Variants in TNNI3K observed in about 807,000 individuals in gnomAD.
TNNI3K encodes the protein serine/threonine-protein kinase TNNI3K.
In TNNI3K, 140 loss-of-function variants were observed where a neutral mutation model predicts 114.5. The ratio of observed to expected loss-of-function variants is 1.22; its 90% CI spans 1.07 to 1.41. The LOEUF (loss-of-function observed/expected upper bound fraction) is 1.41, where lower values mean the gene tolerates loss of function less well. Ranked by LOEUF, TNNI3K falls within the 40% of genes most tolerant of loss-of-function variation. The pLI, the probability that TNNI3K is intolerant of heterozygous loss-of-function variation, is 0.00. For synonymous variants in TNNI3K, 347 were observed against 347.5 expected, an observed-to-expected ratio of 1.00 and a Z score of 0.02; for missense variants, 1,125 against 1,007.6, an observed-to-expected ratio of 1.12 and a Z score of -1.58.
intron 23 of TNNI3K, among the ~76,000 whole-genome samples, chr1:74,524,511 T>C (rs567574283): frequency 1.3e-5 from 2 of 152,084 alleles, no homozygotes; most frequent in Non-Finnish European, 2.9e-5. Flanking sequence ...CACAGGAAAA[T>C]GCATTAGGAA....
chr1:74,416,235 A>T (rs1034024473), intron 17 of TNNI3K: 2 of 962,262 alleles, frequency 2.1e-6, no homozygotes, highest in Non-Finnish European at 2.5e-6. Flanking sequence ...GGAGTTTAAA[A>T]AGCAGAGTCA....
intron 4 of TNNI3K, among the ~76,000 whole-genome samples, chr1:74,270,943 A>G (rs1287689101): frequency 1.3e-5 from 2 of 151,862 alleles, no homozygotes; most frequent in East Asian, 3.9e-4. Flanking sequence ...ATAATATTAT[A>G]AAAAAGTAAG....
rs115189822 is a variant in TNNI3K at position 74,451,624 on chromosome 1, T to G, written c.2012-11817T>G. Among the ~76,000 whole-genome samples, 1,072 of 148,606 alleles carry G rather than the reference T, an allele frequency of 7.2e-3. 19 individuals carry two copies. Among genetic ancestry groups the G allele is most frequent in the African/African-American group, 0.027 (1,034 of 39,010 alleles). Reference sequence around the variant, plus strand: ...TTCTTTTCTTTCTTTCCTTCCTTCCTTCCTTTTCTTTTTCTTTCTTTCTTT... The same window carrying G: ...TTCTTTTCTTTCTTTCCTTCCTTCCGTCCTTTTCTTTTTCTTTCTTTCTTT... On this transcript the variant is annotated intron_variant, in intron 20 of 24. Coordinates refer to ENST00000326637, the MANE Select transcript of TNNI3K (RefSeq NM_015978.3).
chr1:74,268,838 C>A (rs534668048), intron 4 of TNNI3K, among the ~76,000 whole-genome samples: 1 of 151,788 alleles, frequency 6.6e-6, no homozygotes, highest in African/African-American at 2.4e-5. Flanking sequence ...AAATCTGCTT[C>A]TTCCTGGTTC....
intron 21 of TNNI3K, chr1:74,480,911 T>C (rs549581931): frequency 1.4e-6 from 1 of 717,356 alleles, no homozygotes; most frequent in Non-Finnish European, 2.6e-6. Flanking sequence ...GTTTGTGCTC[T>C]CAATAGAGGA....
chr1:74,364,942 T>C (rs184112248), intron 11 of TNNI3K, among the ~76,000 whole-genome samples: 2 of 152,212 alleles, frequency 1.3e-5, no homozygotes, highest in East Asian at 3.9e-4. Context: ...AATTATAAGA[T>C]AATAAATTTG....
chr1:74,348,520 TC>T (rs1324190208), intron 9 of TNNI3K, among the ~76,000 whole-genome samples: 1 of 152,204 alleles, frequency 6.6e-6, no homozygotes, highest in African/African-American at 2.4e-5. Context: ...AGTAGTTTTT[TC>T]CAATTCTGTG....
At chr1:74,391,620 A>C (rs1663775770) in intron 17 of TNNI3K, among the ~76,000 whole-genome samples, 1 of 152,232 alleles carries the variant, frequency 6.6e-6, no homozygotes, top group South Asian at 2.1e-4. Flanking sequence ...TTGGAAATGC[A>C]AATCTAAGCT....
chr1:74,352,830 G>T (rs561600001), intron 9 of TNNI3K, among the ~76,000 whole-genome samples: 1 of 152,328 alleles, frequency 6.6e-6, no homozygotes, highest in South Asian at 2.1e-4. Flanking sequence ...CGCAGTATTA[G>T]GGTGGGAGTG....
In TNNI3K at chr1:74,475,118, A is replaced by C. The variant is rs1277257281; in HGVS notation, c.2121+11568A>C. ...GAACACTTCATCTCCACCTCAGCCC[A>C]CACACACACACACACACACACACAC... On this transcript the variant is annotated intron_variant, in intron 21 of 24. Transcript: ENST00000326637. Among the ~76,000 whole-genome samples, 7 of 124,110 alleles carry C rather than the reference A, an allele frequency of 5.6e-5. No individual in the cohort carries two copies. The South Asian group carries it at 9.5e-4, about 17-fold the overall frequency. 81.4% of individuals were successfully genotyped at this position (124,110 alleles called of 152,430 possible).
chr1:74,542,773 C>T (rs1646741069), intron 24 of TNNI3K, among the ~76,000 whole-genome samples: 3 of 152,182 alleles, frequency 2.0e-5, no homozygotes, highest in South Asian at 2.1e-4. Flanking sequence ...GACAAATGTG[C>T]TCACTTTCAT....
intron 23 of TNNI3K, among the ~76,000 whole-genome samples, chr1:74,498,731 C>A (rs1032462864): frequency 1.3e-5 from 2 of 151,958 alleles, no homozygotes; most frequent in Admixed American, 6.5e-5. Flanking sequence ...CAGTCTTCCC[C>A]CCGACTATTA....
chr1:74,500,415 A>C (rs1451484283), intron 23 of TNNI3K, among the ~76,000 whole-genome samples: 1 of 151,562 alleles, frequency 6.6e-6, no homozygotes, highest in Non-Finnish European at 1.5e-5. Context: ...TCCCGGCTAA[A>C]AAACGGTGAA....
Position 74,342,920 on chromosome 1 carries a change from T to C in TNNI3K, c.761T>C (p.Leu254Pro). The part of the protein sequence containing the change: ...RFGHHDIVKY[L>P]LQSDLEVQPH... ...GGACACCATGATATAGTTAAGTATC[T>C]GCTGCAAAGTGATTTGGAAGTTCAA... The change falls in exon 8 of 25, where the codon CTG becomes CCG. Residue 254 changes from leucine to proline, a missense_variant. Coordinates refer to ENST00000326637, the MANE Select transcript of TNNI3K (RefSeq NM_015978.3). 1 of 1,613,940 alleles carries C rather than the reference T, an allele frequency of 6.2e-7. No homozygotes were observed. Among genetic ancestry groups the C allele is most frequent in the Non-Finnish European group, 8.5e-7 (1 of 1,179,920 alleles).
At chr1:74,499,709 G>A (rs1439196373) in intron 23 of TNNI3K, among the ~76,000 whole-genome samples, 1 of 152,018 alleles carries the variant, frequency 6.6e-6, no homozygotes. Flanking sequence ...TTTGATTATA[G>A]ATATTTAAGC....
rs77344451 is a variant in TNNI3K, at chr1:74,316,671, T to A, written c.445-14779T>A. Among the ~76,000 whole-genome samples the A allele has an allele frequency of 6.3e-3, 948 of 151,598 alleles. 4 individuals carry two copies. Among genetic ancestry groups the A allele is most frequent in the African/African-American group, 0.017 (701 of 41,496 alleles). Reference sequence around the variant, plus strand: ...CTAATTGCTTCCCTCTTTTATTATTTTTTTTTTAATTTTTATTTATTTATT... The same window carrying A: ...CTAATTGCTTCCCTCTTTTATTATTATTTTTTTAATTTTTATTTATTTATT... On this transcript the variant is annotated intron_variant, in intron 5 of 24. Coordinates refer to ENST00000326637, the MANE Select transcript of TNNI3K (RefSeq NM_015978.3).
chr1:74,474,061 T>C (rs1315197638), intron 21 of TNNI3K, among the ~76,000 whole-genome samples: 6 of 152,110 alleles, frequency 3.9e-5, no homozygotes, highest in Non-Finnish European at 8.8e-5. Flanking sequence ...GAATTTCTGG[T>C]ATTTCTTAAA....
chr1:74,271,466 G>T, intron 4 of TNNI3K, 132 bp from the exon 5 acceptor site: 2 of 758,724 alleles, frequency 2.6e-6, no homozygotes, highest in Non-Finnish European at 4.2e-6. Flanking sequence ...GTGCTCTTAT[G>T]CTAGAAATCA....
intron 5 of TNNI3K, among the ~76,000 whole-genome samples, chr1:74,298,459 A>C (rs1658123176): frequency 6.6e-6 from 1 of 152,184 alleles, no homozygotes; most frequent in Non-Finnish European, 1.5e-5. Context: ...CACAACTGCA[A>C]ATTGATAATT....
Sources: allele counts gnomAD v4.1 joint callset (sites outside exome capture counted in the v4.1 genomes callset), GRCh38; gene constraint gnomAD v4.1.1; transcripts MANE v1.5; gene names NCBI Gene and HGNC (gene_info 2026-07-23, HGNC 2026-07-21).